The following OCRL variants were observed in gnomAD, a reference collection of about 807,000 sequenced individuals.
OCRL encodes OCRL inositol polyphosphate-5-phosphatase.
Under a neutral mutation model 78.9 loss-of-function variants are expected in OCRL, and 8 were observed. The ratio of observed to expected loss-of-function variants is 0.10; its 90% confidence interval spans 0.06 to 0.18. The LOEUF (loss-of-function observed/expected upper bound fraction) is 0.18. OCRL is among the 10% of genes least tolerant of loss of function. OCRL has a pLI of 1.00. For missense variants in OCRL, 454 were observed against 696.7 expected (o/e 0.65, Z 3.92); for synonymous variants, 240 against 235.4 (o/e 1.02, Z -0.18).
intron 1 of OCRL, 22 bp downstream of exon 1, chrX:129,540,500 G>A (rs1166753964): frequency 1.7e-6 from 2 of 1,147,792 alleles, no homozygotes; most frequent in Non-Finnish European, 1.2e-6. Flanking sequence ...AGAGAAGGGA[G>A]AGGGGAGGCC....
intron 1 of OCRL, 123 bp from the exon 2 acceptor site, chrX:129,540,621 A>AGCAGG (rs1935778251): frequency 2.5e-6 from 1 of 398,774 alleles, no homozygotes; most frequent in Non-Finnish European, 3.7e-6. Flanking sequence ...CGGGAGACGA[A>AGCAGG]GCAGGGCGGG....
chrX:129,561,368 C>G, intron 10 of OCRL, 75 bp downstream of exon 10: 1 of 635,753 alleles, frequency 1.6e-6, no homozygotes. Flanking sequence ...TTATCTACAA[C>G]TTGTTCCAAA....
At chrX:129,575,333 G>T in intron 16 of OCRL, 83 bp downstream of exon 16, 1 of 625,564 alleles carries the variant, frequency 1.6e-6, no homozygotes, top group South Asian at 2.7e-5. Context: ...AGGCTACATA[G>T]CAACGTGGTT....
At chrX:129,560,681 G>A in intron 9 of OCRL, 30 bp downstream of exon 9, 2 of 1,011,751 alleles carry the variant, frequency 2.0e-6, no homozygotes. Context: ...TTTCCTTTTG[G>A]CTATATGTTT....
At chrX:129,543,441 T>G (rs1442731520) in intron 2 of OCRL, among the ~76,000 whole-genome samples, 1 of 112,953 alleles carries the variant, frequency 8.9e-6, no homozygotes, top group Non-Finnish European at 1.9e-5. Flanking sequence ...CAAAGTAAGC[T>G]CTTCCTCCTT....
At chrX:129,586,350 A>G (rs1219574660) in intron 19 of OCRL, among the ~76,000 whole-genome samples, 1 of 111,879 alleles carries the variant, frequency 8.9e-6, no homozygotes, top group Non-Finnish European at 1.9e-5. Context: ...TTTTCGTGGT[A>G]TTTCTGCCTC....
Position 129,540,773 on chromosome X carries a change from T to C in OCRL, c.69T>C (p.Pro23=). Residue 23 remains proline (P), a synonymous_variant, in exon 2 of 24, where the codon CCT becomes CCC. Coordinates refer to ENST00000371113, the MANE Select transcript of OCRL (RefSeq NM_000276.4). Reference sequence around the variant, plus strand: ...TCGAGGGTATGGAGATGAAGGGTCCTCTCCGGGAGCCCTGCGCCCTGACCC... The same window carrying C: ...TCGAGGGTATGGAGATGAAGGGTCCCCTCCGGGAGCCCTGCGCCCTGACCC... ...ATVEGMEMKG[P]LREPCALTLA... 2 of 1,209,934 alleles carry C rather than the reference T, an allele frequency of 1.7e-6. No individual in the cohort carries two copies. Among genetic ancestry groups the C allele is most frequent in the Non-Finnish European group, 2.2e-6 (2 of 894,346 alleles).
chrX:129,548,179 C>G (rs767678381), intron 3 of OCRL, among the ~76,000 whole-genome samples: 14 of 111,853 alleles, frequency 1.3e-4, no homozygotes, highest in Non-Finnish European at 2.3e-4. Context: ...CCTTTGCCTT[C>G]TGTTATCTAA....
At chrX:129,540,684 C>A in intron 1 of OCRL, 60 bp from the exon 2 acceptor site, 1 of 1,007,939 alleles carries the variant, frequency 9.9e-7, no homozygotes, top group Non-Finnish European at 1.4e-6. Context: ...CCCTTCGCCC[C>A]GCAGTGCACC....
chrX:129,544,302 T>C (rs1194949218), intron 2 of OCRL, among the ~76,000 whole-genome samples: 3 of 111,011 alleles, frequency 2.7e-5, no homozygotes, highest in Non-Finnish European at 5.7e-5. Flanking sequence ...TTTACTCATG[T>C]TTATGTAGAA....
chrX:129,580,177 T>G (rs1311451290), intron 18 of OCRL, among the ~76,000 whole-genome samples: 1 of 112,402 alleles, frequency 8.9e-6, no homozygotes, highest in Non-Finnish European at 1.9e-5. Context: ...TAAAGTGAAC[T>G]AGGAAGGTGA....
At position 129,540,303 on chromosome X, in the gene OCRL, TCCCGGCGCCCGGCG is replaced by T. The variant is rs962467174; in HGVS notation, c.-128_-115del. The T allele has an allele frequency of 1.0e-5, 7 of 693,184 alleles. No individual in the cohort carries two copies. Among genetic ancestry groups the T allele is most frequent in the African/African-American group, 8.7e-5 (4 of 45,924 alleles). The allele number at this position is 693,184 out of a possible 1,213,427, so 57.1% of individuals were successfully genotyped here. ...CAGCTCCCAGCTCCCCGCTCCCGGCTCCCGGCGCCCGGCGCCCGGCGCGGAGCTGTTCCTCAAAC... is the reference window on the plus strand; with the variant it reads ...CAGCTCCCAGCTCCCCGCTCCCGGCTCCCGGCGCGGAGCTGTTCCTCAAAC... On this transcript the variant is annotated 5_prime_UTR_variant, in exon 1 of 24. Coordinates refer to ENST00000371113, the MANE Select transcript of OCRL (RefSeq NM_000276.4).
At chrX:129,567,625 T>C (rs1037669498) in intron 14 of OCRL, among the ~76,000 whole-genome samples, 2 of 112,365 alleles carry the variant, frequency 1.8e-5, no homozygotes, top group East Asian at 5.6e-4. Context: ...GCCTTATTTC[T>C]CTCACCTCAG....
At chrX:129,578,931 C>T (rs1318784617) in intron 18 of OCRL, among the ~76,000 whole-genome samples, 1 of 111,370 alleles carries the variant, frequency 9.0e-6, no homozygotes, top group Non-Finnish European at 1.9e-5. Flanking sequence ...TGTTGCATTT[C>T]AGTGTTATTA....
In OCRL at chrX:129,565,997, A is replaced by G. The variant is rs937136609; in HGVS notation, c.1356+114A>G. On this transcript the variant is annotated intron_variant, in intron 13 of 23. Transcript: ENST00000371113. Reference sequence around the variant, plus strand: ...ATGGAAACGTCTTACTGTCTTGTGAAAACAGTGTGACTAGTGATGCATTGA... The same window carrying G: ...ATGGAAACGTCTTACTGTCTTGTGAGAACAGTGTGACTAGTGATGCATTGA... 46 of 531,309 alleles carry G rather than the reference A, an allele frequency of 8.7e-5. No individual in the cohort carries two copies. In the African/African-American group the frequency reaches 9.5e-4, roughly 11 times the overall value. The allele number at this position is 531,309 out of a possible 1,213,427, so 43.8% of individuals were successfully genotyped here.
intron 20 of OCRL, 79 bp downstream of exon 20, chrX:129,587,197 T>A: frequency 1.5e-6 from 1 of 654,246 alleles, no homozygotes; most frequent in Non-Finnish European, 2.6e-6. Context: ...CACGTCAGCA[T>A]AGCGCTTTTA....
At chrX:129,569,523 T>G (rs746818034) in intron 15 of OCRL, 124 bp downstream of exon 15, 2 of 797,528 alleles carry the variant, frequency 2.5e-6, no homozygotes, top group South Asian at 4.4e-5. Context: ...AATAACCATT[T>G]GCAGCATTGA....
Position 129,567,266 on chromosome X carries a change from C to T in OCRL, c.1369C>T (p.Arg457Cys), listed in dbSNP as rs137853839. The T allele has an allele frequency of 1.7e-6, 2 of 1,195,634 alleles. No individual in the cohort carries two copies. The highest frequency in any genetic ancestry group is 2.3e-6 in the Non-Finnish European group (2 of 880,897). Residue 457 changes from arginine (R) to cysteine (C), a missense_variant, in exon 14 of 24, where the codon CGC (arginine) becomes TGC (cysteine). This residue lies in a region of OCRL where 277 missense variants were observed against 517.1 expected (regional missense o/e 0.54). Coordinates refer to ENST00000371113, the MANE Select transcript of OCRL (RefSeq NM_000276.4). ...TTTCTATCTGTAGCTAAATATTCAG[C>T]GCACACAGAAAAAAGCTTTTGTTGA... Reference protein sequence around the residue: ...LLKFDQLNIQRTQKKAFVDFN... With the variant: ...LLKFDQLNIQCTQKKAFVDFN...
intron 17 of OCRL, 97 bp from the exon 18 acceptor site, chrX:129,576,220 A>G (rs1038268468): frequency 2.1e-6 from 2 of 955,886 alleles, no homozygotes; most frequent in East Asian, 3.1e-5. Context: ...TTGCTTAATG[A>G]TTTTTTTAGA....
Sources: allele counts gnomAD v4.1 joint callset (sites outside exome capture counted in the v4.1 genomes callset), GRCh38; gene constraint gnomAD v4.1.1; regional missense constraint gnomAD v4.1.1; transcripts MANE v1.5; gene names NCBI Gene and HGNC (gene_info 2026-07-23, HGNC 2026-07-21).